Variants in GPHN observed in about 807,000 individuals in gnomAD.
The protein encoded by GPHN is gephyrin.
GPHN carries 17 observed loss-of-function variants against 95.5 expected under a neutral mutation model. The observed-to-expected ratio is 0.18, with a 90% CI of 0.12 to 0.27. The LOEUF (loss-of-function observed/expected upper bound fraction) is 0.27, where lower values mean the gene tolerates loss of function less well. Ranked by LOEUF, GPHN falls within the 10% of genes least tolerant of loss-of-function variation. The probability of loss-of-function intolerance (pLI) is 1.00; values close to 1 mark genes in which losing one functional copy is unlikely to be tolerated. For synonymous variants in GPHN, 320 were observed against 322.5 expected (o/e 0.99, Z 0.08); for missense variants, 660 against 978.1 (o/e 0.67, Z 4.34).
At chr14:66,625,690 C>T (rs2063501262) in intron 1 of GPHN, among the ~76,000 whole-genome samples, 1 of 152,198 alleles carries the variant, frequency 6.6e-6, no homozygotes. Context: ...TTGTCAGTCT[C>T]CATCTAATAA....
chr14:67,507,545 C>T, the GPHN span, among the ~76,000 whole-genome samples: 1 of 152,070 alleles, frequency 6.6e-6, no homozygotes, highest in South Asian at 2.1e-4. Flanking sequence ...ACCTCCCAGG[C>T]TTAAGTGATC....
chr14:66,581,772 A>G (rs1228891584), intron 1 of GPHN, among the ~76,000 whole-genome samples: 1 of 152,028 alleles, frequency 6.6e-6, no homozygotes, highest in Non-Finnish European at 1.5e-5. Flanking sequence ...AATAGAATTT[A>G]AATAAAAATT....
the GPHN span, among the ~76,000 whole-genome samples, chr14:67,607,661 G>A: frequency 1.2e-4 from 18 of 152,122 alleles, no homozygotes; most frequent in East Asian, 5.8e-4. Flanking sequence ...CACCACGCCC[G>A]GCCTGGACGT....
the GPHN span, chr14:67,397,748 C>A: frequency 6.2e-7 from 1 of 1,613,290 alleles, no homozygotes; most frequent in Non-Finnish European, 8.5e-7. Flanking sequence ...ACTCTCCGAC[C>A]CCCCTCAAGC....
At chr14:67,575,954 C>T in the GPHN span, 10 of 1,613,934 alleles carry the variant, frequency 6.2e-6, no homozygotes, top group African/African-American at 1.2e-4. Context: ...TGGTGATCCA[C>T]CCCACAGAGC....
At chr14:67,337,923 AAAGT>A in the GPHN span, 1 of 152,256 alleles carries the variant, frequency 6.6e-6, no homozygotes, top group South Asian at 2.1e-4. Flanking sequence ...AGTTGTCTCA[AAAGT>A]AAGCCTTTTT....
At chr14:67,645,941 C>G in the GPHN span, 1 of 994,130 alleles carries the variant, frequency 1.0e-6, no homozygotes, top group Non-Finnish European at 1.5e-6. Context: ...TATTATGGAC[C>G]AGGCAGTCTG....
At chr14:67,019,492 T>C (rs763296059) in intron 9 of GPHN, among the ~76,000 whole-genome samples, 2 of 152,208 alleles carry the variant, frequency 1.3e-5, no homozygotes, top group Non-Finnish European at 2.9e-5. Flanking sequence ...GAATACAAAT[T>C]AGCCTGGTGA....
chr14:67,496,391 G>GTTTTTTTTTTTTTT, the GPHN span, among the ~76,000 whole-genome samples: 4 of 30,106 alleles, frequency 1.3e-4, 2 homozygotes, highest in Non-Finnish European at 2.3e-4. Flanking sequence ...CTGCTCCGGC[G>GTTTTTTTTTTTTTT]TTTTTTTTTT....
chr14:67,247,525 T>C, the GPHN span, among the ~76,000 whole-genome samples: 1 of 152,180 alleles, frequency 6.6e-6, no homozygotes, highest in Non-Finnish European at 1.5e-5. Flanking sequence ...ATTGTCTTGG[T>C]TAGGACTTCC....
At chr14:66,750,090 A>G (rs2058310752) in intron 2 of GPHN, among the ~76,000 whole-genome samples, 1 of 151,922 alleles carries the variant, frequency 6.6e-6, no homozygotes, top group Admixed American at 6.6e-5. Flanking sequence ...TGTTAATTTT[A>G]ATGAAATCTA....
chr14:66,881,176 G>A (rs533221447), intron 5 of GPHN, among the ~76,000 whole-genome samples: 40 of 152,020 alleles, frequency 2.6e-4, no homozygotes, highest in African/African-American at 7.5e-4. Context: ...TAGTTACTAT[G>A]TTCTTTTTGC....
chr14:67,355,921 G>A, the GPHN span, among the ~76,000 whole-genome samples: 1 of 152,066 alleles, frequency 6.6e-6, no homozygotes, highest in Non-Finnish European at 1.5e-5. Flanking sequence ...GACTGATTGA[G>A]CCCAGGAGGT....
chr14:67,692,968 G>A, the GPHN span: 5 of 1,613,924 alleles, frequency 3.1e-6, no homozygotes, highest in South Asian at 3.3e-5. Flanking sequence ...TCTCCTTCCC[G>A]ATACCTGTAT....
the GPHN span, among the ~76,000 whole-genome samples, chr14:67,712,493 C>CAAAAAAAAAAA: frequency 7.7e-5 from 3 of 38,924 alleles, no homozygotes; most frequent in African/African-American, 1.1e-4. Context: ...AAAAAACTTG[C>CAAAAAAAAAAA]AAAAAAAAAA....
the GPHN span, among the ~76,000 whole-genome samples, chr14:67,607,619 C>A: frequency 2.3e-4 from 35 of 152,294 alleles, no homozygotes; most frequent in East Asian, 5.0e-3. Flanking sequence ...CCCGCCTCGG[C>A]CTCCCAAAGT....
chr14:66,908,885 C>G (rs2153554170), intron 5 of GPHN, among the ~76,000 whole-genome samples: 1 of 149,786 alleles, frequency 6.7e-6, no homozygotes, highest in East Asian at 1.9e-4. Flanking sequence ...CCAAAGCTAT[C>G]AAGGTCATCA....
rs77299054 is a variant in GPHN at position 66,935,771 on chromosome 14, A to C, written c.828+11479A>C. Among the ~76,000 whole-genome samples, 470 of 151,920 alleles carry C rather than the reference A, an allele frequency of 3.1e-3. 11 individuals carry two copies. Among genetic ancestry groups the C allele is most frequent in the African/African-American group, 0.011 (445 of 41,386 alleles). On this transcript the variant is annotated intron_variant, in intron 8 of 22. Coordinates refer to ENST00000478722, the MANE Select transcript of GPHN (RefSeq NM_020806.5). Reference sequence around the variant, plus strand: ...ATATATATTAAAACTATATATATACAGTTTTATTGTTTCCTTTTATCCATG... The same window carrying C: ...ATATATATTAAAACTATATATATACCGTTTTATTGTTTCCTTTTATCCATG...
At chr14:67,492,442 A>G in the GPHN span, among the ~76,000 whole-genome samples, 1 of 152,236 alleles carries the variant, frequency 6.6e-6, no homozygotes, top group African/African-American at 2.4e-5. Context: ...CCTGTCAGTC[A>G]GAAAAAAGAG....
Sources: allele counts gnomAD v4.1 joint callset (sites outside exome capture counted in the v4.1 genomes callset), GRCh38; gene constraint gnomAD v4.1.1; transcripts MANE v1.5; gene names NCBI Gene and HGNC (gene_info 2026-07-23, HGNC 2026-07-21).